PLEKHN1: variants seen among roughly 807,000 people sequenced by gnomAD.
PLEKHN1 encodes the protein pleckstrin homology domain containing N1.
A neutral mutation model predicts 72.8 loss-of-function variants in PLEKHN1; 68 were observed. The ratio of observed to expected loss-of-function variants is 0.93; its 90% CI spans 0.77 to 1.14. The LOEUF (loss-of-function observed/expected upper bound fraction) is 1.14. Among genes scored for constraint, PLEKHN1 ranks in the 50% most tolerant of loss-of-function variants. PLEKHN1 has a pLI of 0.00. For missense variants in PLEKHN1, 1,015 were observed against 840.5 expected, an observed-to-expected ratio of 1.21 and a Z score of -2.57; for synonymous variants, 454 against 371.6, an observed-to-expected ratio of 1.22 and a Z score of -2.55.
At position 970,277 on chromosome 1, in the gene PLEKHN1, G is replaced by A; in HGVS notation, c.184G>A (p.Asp62Asn). The change falls in exon 3 of 16, where the codon GAC becomes AAC. Residue 62 changes from aspartate to asparagine, a missense_variant and splice_region_variant. Coordinates refer to ENST00000379410, the MANE Select transcript of PLEKHN1 (RefSeq NM_032129.3). The surrounding 1 kb of genome is among the most constrained non-coding windows in gnomAD (Gnocchi z 4.2). ...NKLFHYIPGT[D>N]ILDLENQREN... is the part of the protein sequence containing the mutation. ...CTCCCCTGAGCTCTACTCCTCCTAG[G>A]ACATCCTGGACCTGGAGAACCAGCG... The A allele has an allele frequency of 6.2e-7, 1 of 1,612,960 alleles. No individual in the cohort carries two copies. The highest frequency in any genetic ancestry group is 8.5e-7 in the Non-Finnish European group (1 of 1,179,854).
In PLEKHN1 at chr1:971,385, T is replaced by C. The variant is rs770985950; in HGVS notation, c.770T>C (p.Leu257Pro). ...TCCTTGGCCATTTTCTCCGAGGAGC[T>C]GGACGGGCTTTGCTTCAAGGTGGGC... Reference protein sequence around the residue: ...PTSLAIFSEELDGLCFKGELP... With the variant: ...PTSLAIFSEEPDGLCFKGELP... Residue 257 changes from leucine to proline, a missense_variant, in exon 8 of 16, where the codon CTG becomes CCG. Physicochemically the swap from Leu to Pro is moderately conservative, Grantham distance 98 (BLOSUM62 -3). Transcript: ENST00000379410. 1 of 1,586,486 alleles carries C rather than the reference T, an allele frequency of 6.3e-7. No individual in the cohort carries two copies. Among genetic ancestry groups the C allele is most frequent in the South Asian group, 1.1e-5 (1 of 87,246 alleles).
At position 973,998 on chromosome 1, in the gene PLEKHN1, C is replaced by T; in HGVS notation, c.1600C>T (p.His534Tyr). The T allele has an allele frequency of 1.2e-6, 2 of 1,605,378 alleles. No homozygotes were observed. The highest frequency in any genetic ancestry group is 8.5e-7 in the Non-Finnish European group (1 of 1,178,118). Residue 534 changes from histidine to tyrosine, a missense_variant, in exon 14 of 16, where the codon CAC (histidine) becomes TAC (tyrosine). Coordinates refer to ENST00000379410, the MANE Select transcript of PLEKHN1 (RefSeq NM_032129.3). ...GALQSRAAQR[H>Y]RGSAKDGGPQ... ...CCTGCAGTCCAGAGCCGCTCAGAGA[C>T]ACCGGGGCTCAGCCAAGGATGGGGG...
At position 974,444 on chromosome 1, in the gene PLEKHN1, G is replaced by A. The variant is rs779612629; in HGVS notation, c.1705G>A (p.Gly569Ser). The change falls in exon 16 of 16, where the codon GGT becomes AGT. Residue 569 changes from glycine (G) to serine (S), a missense_variant and splice_region_variant. Transcript: ENST00000379410. ...CACATCTCTGCCTTCCCTACCAGATGGTCGGTCCCCCAGGAGGAGCCGGGA... is the reference window on the plus strand; with the variant it reads ...CACATCTCTGCCTTCCCTACCAGATAGTCGGTCCCCCAGGAGGAGCCGGGA... ...SPEPWLPLTD[G>S]RSPRRSRDPG... is the part of the protein sequence containing the mutation. 12 of 1,612,740 alleles carry A rather than the reference G, an allele frequency of 7.4e-6. No individual in the cohort carries two copies. The African/African-American group carries it at 1.3e-4, about 18-fold the overall frequency.
Position 970,185 on chromosome 1 carries a change from G to A in PLEKHN1, c.184-92G>A. 5 of 1,416,654 alleles carry A rather than the reference G, an allele frequency of 3.5e-6. No individual in the cohort carries two copies. Among genetic ancestry groups the A allele is most frequent in the Non-Finnish European group, 4.8e-6 (5 of 1,037,602 alleles). The allele number at this position is 1,416,654 out of a possible 1,614,324, so 87.8% of individuals were successfully genotyped here. A position where few individuals can be genotyped will look rare whatever the true frequency, so the allele number is the denominator to read the frequency against. On this transcript the variant is annotated intron_variant, in intron 2 of 15. Transcript: ENST00000379410. This position sits in a 1 kb window ranked among gnomAD's most constrained non-coding sequence, Gnocchi z 4.2. Reference sequence around the variant, plus strand: ...TGTGTTGTGTGGCTATGCACAGGCAGACCATGCTATAGTCCTGTAGCTGTG... The same window carrying A: ...TGTGTTGTGTGGCTATGCACAGGCAAACCATGCTATAGTCCTGTAGCTGTG...
At chr1:969,311 G>A (rs1643156970) in intron 2 of PLEKHN1, among the ~76,000 whole-genome samples, 1 of 152,252 alleles carries the variant, frequency 6.6e-6, no homozygotes, top group Non-Finnish European at 1.5e-5. Flanking sequence ...CTCTGTGTGG[G>A]GAAGTGTGTC....
chr1:970,899 C>G lies in PLEKHN1; in HGVS notation c.505C>G (p.Leu169Val), dbSNP rs369446393. 1.2e-6 allele frequency: 2 copies of G among 1,610,894 alleles called. No individual in the cohort carries two copies. The highest frequency in any genetic ancestry group is 1.3e-5 in the African/African-American group (1 of 74,876). Residue 169 changes from leucine to valine, a missense_variant, in exon 6 of 16, where the codon CTG (leucine) becomes GTG (valine). Coordinates refer to ENST00000379410, the MANE Select transcript of PLEKHN1 (RefSeq NM_032129.3). The surrounding 1 kb of genome is among the most constrained non-coding windows in gnomAD (Gnocchi z 4.2). ...CGCAGGCCCACTGCCCGCACCCCTC[C>G]TGGTGCTCTGCCCCAGCCGGGCCGA... ...QITGPLPAPLLVLCPSRAELD... is the reference protein window; with the variant it reads ...QITGPLPAPLVVLCPSRAELD...
intron 2 of PLEKHN1, 121 bp downstream of exon 2, chr1:966,924 G>T: frequency 9.1e-7 from 1 of 1,098,408 alleles, no homozygotes; most frequent in Non-Finnish European, 1.3e-6. Flanking sequence ...ACCCCGGTAG[G>T]TGAGGAGCCG....
intron 10 of PLEKHN1, 52 bp downstream of exon 10, chr1:972,476 G>A (rs1179040258): frequency 1.3e-6 from 2 of 1,497,864 alleles, no homozygotes; most frequent in East Asian, 2.5e-5. Flanking sequence ...GGTAAAAAGG[G>A]GGCAGCAGAC....
chr1:974,156 A>G lies in PLEKHN1; in HGVS notation c.1653+105A>G, dbSNP rs567348676. On this transcript the variant is annotated intron_variant, in intron 14 of 15. Coordinates refer to ENST00000379410, the MANE Select transcript of PLEKHN1 (RefSeq NM_032129.3). ...AGGGAGCAGGGAGGGAAACAGGAGG[A>G]CGGGGGCAGATGGAGGCCAGGGGGG... 10 of 1,481,130 alleles carry G rather than the reference A, an allele frequency of 6.8e-6. No individual in the cohort carries two copies. In the South Asian group the frequency reaches 1.1e-4, roughly 16 times the overall value. The allele number at this position is 1,481,130 out of a possible 1,614,324, so 91.7% of individuals were successfully genotyped here. A position where few individuals can be genotyped will look rare whatever the true frequency, so the allele number is the denominator to read the frequency against.
At chr1:968,616 G>A (rs902896850) in intron 2 of PLEKHN1, among the ~76,000 whole-genome samples, 1 of 152,202 alleles carries the variant, frequency 6.6e-6, no homozygotes. Flanking sequence ...GACACACGAC[G>A]GGACAAATCA....
rs1557646476 is a variant in PLEKHN1 at position 970,631 on chromosome 1, TGGCC to T, written c.411+32_411+35del. On this transcript the variant is annotated intron_variant, in intron 4 of 15. Coordinates refer to ENST00000379410, the MANE Select transcript of PLEKHN1 (RefSeq NM_032129.3). This position sits in a 1 kb window ranked among gnomAD's most constrained non-coding sequence, Gnocchi z 4.2. ...GGCGGTGGGCAATGGGGTGGGGCCA[TGGCC>T]GCCCTTCCCTCCATGGATCCCTGAA... 6.2e-7 allele frequency: 1 copy of T among 1,607,066 alleles called. No individual in the cohort carries two copies. The highest frequency in any genetic ancestry group is 8.5e-7 in the Non-Finnish European group (1 of 1,176,186).
rs1199168034 is a variant in PLEKHN1, at chr1:972,849, C to T, written c.1003-12C>T. 2.6e-6 allele frequency: 4 copies of T among 1,539,142 alleles called. No individual in the cohort carries two copies. The Admixed American group carries it at 7.9e-5, about 30-fold the overall frequency. ...TCCAGCCCTCACTCACCCCCACTCACTGCCCATCCAGGTTATGGGCAGTGG... is the reference window on the plus strand; with the variant it reads ...TCCAGCCCTCACTCACCCCCACTCATTGCCCATCCAGGTTATGGGCAGTGG... On this transcript the variant is annotated splice_polypyrimidine_tract_variant and intron_variant, in intron 10 of 15. Coordinates refer to ENST00000379410, the MANE Select transcript of PLEKHN1 (RefSeq NM_032129.3).
Position 973,918 on chromosome 1 carries a change from C to T in PLEKHN1, c.1520C>T (p.Pro507Leu). The change falls in exon 14 of 16, where the codon CCT becomes CTT. Residue 507 changes from proline to leucine, a missense_variant. Physicochemically the swap from Pro to Leu is moderately conservative, Grantham distance 98. Coordinates refer to ENST00000379410, the MANE Select transcript of PLEKHN1 (RefSeq NM_032129.3). ...CCTGTGTCTGTGCCTGCCTCTGACC[C>T]TCGCTCCTGCTCCTCCGGCCCCGCT... The part of the protein sequence containing the change: ...SVPVSVPASD[P>L]RSCSSGPAGP... 6.2e-7 allele frequency: 1 copy of T among 1,611,392 alleles called. No individual in the cohort carries two copies. The highest frequency in any genetic ancestry group is 8.5e-7 in the Non-Finnish European group (1 of 1,179,920).
rs1457251920 is a variant in PLEKHN1 at position 970,765 on chromosome 1, G to C, written c.484+7G>C. 6.2e-7 allele frequency: 1 copy of C among 1,612,674 alleles called. No homozygotes were observed. The highest frequency in any genetic ancestry group is 2.2e-5 in the East Asian group (1 of 44,886). ...CACGCCTTCCAGATCACAGGTGTTT[G>C]GGATGCTTCCCGGGCCCCCAGAGGC... On this transcript the variant is annotated splice_region_variant and intron_variant, in intron 5 of 15. Transcript: ENST00000379410. This position sits in a 1 kb window ranked among gnomAD's most constrained non-coding sequence, Gnocchi z 4.2.
In PLEKHN1 at chr1:966,584, T is replaced by C. The variant is rs146294016; in HGVS notation, c.53T>C (p.Phe18Ser). Residue 18 changes from phenylalanine to serine, a missense_variant, in exon 1 of 16, where the codon TTC (phenylalanine) becomes TCC (serine). By Grantham distance (155) the Phe-to-Ser change is radical. Transcript: ENST00000379410. ...PQAPRRLRAS[F>S]SRKPSLKGNR... ...GCCCCCAGGAGGCTCCGGGCCTCCT[T>C]CTCCAGAAAGCCCTCGCTGAAGGGA... 8.2e-5 allele frequency: 132 copies of C among 1,610,590 alleles called. No individual in the cohort carries two copies. Among genetic ancestry groups the C allele is most frequent in the Admixed American group, 1.7e-4 (10 of 59,910 alleles).
chr1:970,556 C>A lies in PLEKHN1; in HGVS notation c.366C>A (p.Ala122=), dbSNP rs62639983. The part of the protein sequence containing the change: ...VSDCYLELFP[A]HLYFQAHGSE... ...ACTGCTACCTGGAGCTATTCCCCGC[C>A]CACCTGTACTTCCAGGCCCACGGCT... Residue 122 remains alanine (A), a synonymous_variant, in exon 4 of 16, where the codon GCC becomes GCA. Transcript: ENST00000379410. The surrounding 1 kb of genome is among the most constrained non-coding windows in gnomAD (Gnocchi z 4.2). 3.7e-6 allele frequency: 6 copies of A among 1,613,130 alleles called. No homozygotes were observed.
In PLEKHN1 at chr1:966,809, C is replaced by T. The variant is rs1483260305; in HGVS notation, c.183+6C>T. On this transcript the variant is annotated splice_donor_region_variant and intron_variant, in intron 2 of 15. Coordinates refer to ENST00000379410, the MANE Select transcript of PLEKHN1 (RefSeq NM_032129.3). ...TCCACTACATCCCGGGCACGGTGAG[C>T]GCGGCGTGCACGGTGGCTGTGGTCT... 5 of 1,553,104 alleles carry T rather than the reference C, an allele frequency of 3.2e-6. No individual in the cohort carries two copies. Among genetic ancestry groups the T allele is most frequent in the South Asian group, 1.2e-5 (1 of 84,658 alleles).
rs764202633 is a variant in PLEKHN1, at chr1:970,511, C to T, written c.331-10C>T. 19 of 1,613,004 alleles carry T rather than the reference C, an allele frequency of 1.2e-5. No homozygotes were observed. The highest frequency in any genetic ancestry group is 1.4e-5 in the Non-Finnish European group (16 of 1,179,862). ...CAGACTCCGCACTGACGACCCTGCTCCCCGCGCAGGATGTCAGCGACTGCT... is the reference window on the plus strand; with the variant it reads ...CAGACTCCGCACTGACGACCCTGCTTCCCGCGCAGGATGTCAGCGACTGCT... On this transcript the variant is annotated splice_polypyrimidine_tract_variant and intron_variant, in intron 3 of 15. Transcript: ENST00000379410. The surrounding 1 kb of genome is among the most constrained non-coding windows in gnomAD (Gnocchi z 4.2).
rs1486784497 is a variant in PLEKHN1 at position 974,599 on chromosome 1, A to G, written c.*24A>G. 1 of 1,598,530 alleles carries G rather than the reference A, an allele frequency of 6.3e-7. No homozygotes were observed. Among genetic ancestry groups the G allele is most frequent in the Non-Finnish European group, 8.5e-7 (1 of 1,172,412 alleles). ...GATGGCCGCGGTGAGGTGGGTTCTCAGGACCACCCTCGCCAAGCTCCAGGG... is the reference window on the plus strand; with the variant it reads ...GATGGCCGCGGTGAGGTGGGTTCTCGGGACCACCCTCGCCAAGCTCCAGGG... On this transcript the variant is annotated 3_prime_UTR_variant, in exon 16 of 16. Transcript: ENST00000379410.
Sources: allele counts gnomAD v4.1 joint callset (sites outside exome capture counted in the v4.1 genomes callset), GRCh38; gene constraint gnomAD v4.1.1; non-coding constraint Gnocchi (gnomAD v3.1); transcripts MANE v1.5; gene names NCBI Gene and HGNC (gene_info 2026-07-23, HGNC 2026-07-21).